ADGRF5: variants seen among roughly 807,000 people sequenced by gnomAD.
ADGRF5 encodes G-protein coupled receptor 116.
Under a neutral mutation model 132.3 loss-of-function variants are expected in ADGRF5, and 75 were observed. The ratio of observed to expected loss-of-function variants is 0.57; its 90% CI spans 0.47 to 0.69. The LOEUF is 0.69. Among genes scored for constraint, ADGRF5 ranks in the 30% least tolerant of loss-of-function variants. ADGRF5 has a pLI of 0.00. For missense variants in ADGRF5, 1,516 were observed against 1,630.6 expected (o/e 0.93, Z 1.21); for synonymous variants, 629 against 597.6 (o/e 1.05, Z -0.77).
chr6:46,853,894 C>T lies in ADGRF5; in HGVS notation c.*98G>A. 1 of 804,546 alleles carries T rather than the reference C, an allele frequency of 1.2e-6. No homozygotes were observed. Among genetic ancestry groups the T allele is most frequent in the Non-Finnish European group, 2.0e-6 (1 of 491,582 alleles). 49.8% of individuals were successfully genotyped at this position (804,546 alleles called of 1,614,324 possible). ...CTTTTTGGCATCTGCTCCCGGAAAC[C>T]TGCCCCGAGAACACGTTCCCCATTG... On this transcript the variant is annotated 3_prime_UTR_variant, in exon 21 of 21. Transcript: ENST00000283296.
intron 3 of ADGRF5, among the ~76,000 whole-genome samples, chr6:46,896,289 T>G (rs956118449): frequency 6.6e-6 from 1 of 152,180 alleles, no homozygotes; most frequent in African/African-American, 2.4e-5. Flanking sequence ...TATTTCTCTC[T>G]GCTCCCTTAC....
intron 1 of ADGRF5, among the ~76,000 whole-genome samples, chr6:46,943,319 T>G (rs1778169564): frequency 6.6e-6 from 1 of 152,178 alleles, no homozygotes; most frequent in Non-Finnish European, 1.5e-5. Flanking sequence ...GGTTACAGAT[T>G]TTTATTTTTT....
chr6:46,901,239 C>A (rs910316125), intron 2 of ADGRF5, among the ~76,000 whole-genome samples: 1 of 152,068 alleles, frequency 6.6e-6, no homozygotes, highest in Non-Finnish European at 1.5e-5. Flanking sequence ...CAGAGCCTAC[C>A]CCATACCTTG....
At chr6:46,906,873 A>G in intron 1 of ADGRF5, 87 bp from the exon 2 acceptor site, 1 of 699,510 alleles carries the variant, frequency 1.4e-6, no homozygotes, top group Non-Finnish European at 2.6e-6. Flanking sequence ...CTTAAAGGTC[A>G]TCCTACACAA....
At position 46,931,400 on chromosome 6, in the gene ADGRF5, T is replaced by C. The variant is rs557392074; in HGVS notation, c.-25+23334A>G. Among the ~76,000 whole-genome samples, 3 of 152,336 alleles carry C rather than the reference T, an allele frequency of 2.0e-5. No homozygotes were observed. In the South Asian group the frequency reaches 6.2e-4, roughly 32 times the overall value. On this transcript the variant is annotated intron_variant, in intron 1 of 20. Coordinates refer to the ADGRF5 transcript ENST00000265417. The stretch of plus-strand genomic sequence containing the variant: ...CAAATCAATCTTCCCTCCCTACTTC[T>C]GCATCACAGCAGCTCTCAGGGAGCT...
At chr6:46,910,188 T>C (rs1055655402) in intron 1 of ADGRF5, among the ~76,000 whole-genome samples, 12 of 152,182 alleles carry the variant, frequency 7.9e-5, no homozygotes, top group Non-Finnish European at 1.5e-5. Flanking sequence ...CCAAGAGATC[T>C]ACCAATGATT....
At chr6:46,871,111 T>C (rs1419469872) in intron 11 of ADGRF5, among the ~76,000 whole-genome samples, 1 of 152,158 alleles carries the variant, frequency 6.6e-6, no homozygotes, top group Non-Finnish European at 1.5e-5. Flanking sequence ...AAGTGTTGCT[T>C]ATATCAGTCG....
At chr6:46,903,926 G>T (rs903842291) in intron 2 of ADGRF5, among the ~76,000 whole-genome samples, 9 of 152,300 alleles carry the variant, frequency 5.9e-5, no homozygotes, top group Non-Finnish European at 1.2e-4. Context: ...AAGGAGATAT[G>T]ATTTATTCTC....
chr6:46,881,654 A>T, intron 7 of ADGRF5, 57 bp from the exon 8 acceptor site: 1 of 1,498,270 alleles, frequency 6.7e-7, no homozygotes, highest in East Asian at 2.3e-5. Flanking sequence ...GAGTCTAGAT[A>T]TTTATGGCTT....
At chr6:46,864,380 C>G (rs888984543) in intron 14 of ADGRF5, among the ~76,000 whole-genome samples, 1 of 152,174 alleles carries the variant, frequency 6.6e-6, no homozygotes, top group Admixed American at 6.5e-5. Flanking sequence ...AAAAACAGTG[C>G]AGTGTGGACA....
At chr6:46,951,659 C>T (rs1243182834) in intron 1 of ADGRF5, among the ~76,000 whole-genome samples, 1 of 152,184 alleles carries the variant, frequency 6.6e-6, no homozygotes, top group Admixed American at 6.5e-5. Context: ...AGAGCTACTT[C>T]CTCCTCTTTT....
rs1159563987 is a variant in ADGRF5, at chr6:46,863,039, A to G, written c.2048T>C (p.Ile683Thr). ...GTTTGAGAACCGGCATAGCTTCTGG[A>G]TGACTTTCCCCGGCTCTCCGACACC... ...VIGVGEPGKV[I>T]QKLCRFSNVP... The change falls in exon 15 of 21, where the codon ATC becomes ACC. Residue 683 changes from isoleucine to threonine, a missense_variant. This residue lies in a region of ADGRF5 where 945 missense variants were observed against 929.4 expected (regional missense o/e 1.02). Transcript: ENST00000283296. 1.2e-6 allele frequency: 2 copies of G among 1,614,016 alleles called. No individual in the cohort carries two copies. Among genetic ancestry groups the G allele is most frequent in the Non-Finnish European group, 1.7e-6 (2 of 1,179,978 alleles).
intron 1 of ADGRF5, among the ~76,000 whole-genome samples, chr6:46,911,167 C>T (rs569778176): frequency 6.6e-6 from 1 of 152,188 alleles, no homozygotes; most frequent in Non-Finnish European, 1.5e-5. Flanking sequence ...CTTCACACAA[C>T]ATTCCCTGTT....
intron 1 of ADGRF5, among the ~76,000 whole-genome samples, chr6:46,952,939 C>A (rs1235695671): frequency 1.3e-5 from 2 of 152,120 alleles, no homozygotes; most frequent in African/African-American, 4.8e-5. Flanking sequence ...GTGTACAAAC[C>A]AGGCCTTAAT....
intron 1 of ADGRF5, among the ~76,000 whole-genome samples, chr6:46,944,588 T>C (rs1467151897): frequency 2.6e-5 from 4 of 152,246 alleles, no homozygotes; most frequent in African/African-American, 4.8e-5. Flanking sequence ...GTTTATCTAC[T>C]GCTCATCTCT....
chr6:46,883,594 G>T lies in ADGRF5; in HGVS notation c.577C>A (p.Leu193Ile). Reference protein sequence around the residue: ...QEDLMNTSSALYRSYKTDLET... With the variant: ...QEDLMNTSSAIYRSYKTDLET... ...AAGTCGGTCTTGTAGGACCTATAGA[G>T]GGCGGAGGAAGTGTTCATGAGGTCT... The change falls in exon 6 of 21, where the codon CTC becomes ATC. Residue 193 changes from leucine (L) to isoleucine (I), a missense_variant. By Grantham distance (5) the Leu-to-Ile change is conservative. Around this residue, in one of 2 missense-constraint regions of ADGRF5, gnomAD observed 945 missense variants for 929.4 expected, o/e 1.02. Coordinates refer to ENST00000283296, the MANE Select transcript of ADGRF5 (RefSeq NM_001098518.2). 1 of 1,609,226 alleles carries T rather than the reference G, an allele frequency of 6.2e-7. No homozygotes were observed. Among genetic ancestry groups the T allele is most frequent in the Non-Finnish European group, 8.5e-7 (1 of 1,177,830 alleles).
chr6:46,906,544 A>G lies in ADGRF5; in HGVS notation c.102+117T>C, dbSNP rs537014096. ...TTTCTTATGTTGCAACTATGGGAAG[A>G]ATGTTTTTTCTCCCCCTAAAGTTTT... On this transcript the variant is annotated intron_variant, in intron 2 of 20. Transcript: ENST00000283296. 3.8e-4 allele frequency: 255 copies of G among 668,844 alleles called. 1 individual carries two copies. The African/African-American group carries it at 3.9e-3, about 10-fold the overall frequency. The allele number at this position is 668,844 out of a possible 1,614,324, so 41.4% of individuals were successfully genotyped here. A position where few individuals can be genotyped will look rare whatever the true frequency, so the allele number is the denominator to read the frequency against.
At chr6:46,880,434 C>T (rs1160016532) in intron 8 of ADGRF5, among the ~76,000 whole-genome samples, 1 of 151,942 alleles carries the variant, frequency 6.6e-6, no homozygotes, top group South Asian at 2.1e-4. Context: ...TATCAGTAAC[C>T]AATATCTCAA....
At chr6:46,936,128 C>T (rs776813003) in intron 1 of ADGRF5, among the ~76,000 whole-genome samples, 14 of 152,188 alleles carry the variant, frequency 9.2e-5, no homozygotes, top group Non-Finnish European at 1.5e-4. Context: ...GCTCAATCTT[C>T]ACAACACTGC....
Sources: allele counts gnomAD v4.1 joint callset (sites outside exome capture counted in the v4.1 genomes callset), GRCh38; gene constraint gnomAD v4.1.1; regional missense constraint gnomAD v4.1.1; transcripts MANE v1.5; gene names NCBI Gene and HGNC (gene_info 2026-07-23, HGNC 2026-07-21).